Variants in LONP2 observed in about 807,000 individuals in gnomAD.
LONP2 encodes the protein lon peptidase 2, peroxisomal, also known as lon protease homolog 2, peroxisomal.
LONP2 carries 60 observed loss-of-function variants against 85.6 expected under a neutral mutation model. The observed-to-expected ratio is 0.70, with a 90% confidence interval of 0.57 to 0.87. The LOEUF is 0.87. Among genes scored for constraint, LONP2 ranks in the 40% least tolerant of loss-of-function variants. The pLI, the probability that LONP2 is intolerant of heterozygous loss-of-function variation, is 0.00. For missense variants in LONP2, 860 were observed against 1,063.5 expected (o/e 0.81, Z 2.66); for synonymous variants, 395 against 389.7 (o/e 1.01, Z -0.16).
At chr16:48,307,220 A>G (rs2151004571) in intron 11 of LONP2, among the ~76,000 whole-genome samples, 1 of 152,342 alleles carries the variant, frequency 6.6e-6, no homozygotes, top group Admixed American at 6.5e-5. Flanking sequence ...ACTTACCTAT[A>G]AAGTATGAGA....
intron 11 of LONP2, among the ~76,000 whole-genome samples, chr16:48,327,848 T>C (rs1959293088): frequency 6.6e-6 from 1 of 152,248 alleles, no homozygotes; most frequent in South Asian, 2.1e-4. Context: ...TAGTGATATA[T>C]AGTATAGCAT....
At chr16:48,251,292 A>G (rs1971641771) in intron 1 of LONP2, among the ~76,000 whole-genome samples, 1 of 152,142 alleles carries the variant, frequency 6.6e-6, no homozygotes, top group African/African-American at 2.4e-5. Context: ...GGGAGAAAAT[A>G]TTATTTATTT....
At chr16:48,358,826 A>G (rs1355578008), downstream of LONP2, among the ~76,000 whole-genome samples, 2 of 152,224 alleles carry the variant, frequency 1.3e-5, no homozygotes, top group South Asian at 2.1e-4. Flanking sequence ...GTACATACAC[A>G]TAAAAAAAAC....
At chr16:48,248,924 G>T (rs1373972593) in intron 1 of LONP2, among the ~76,000 whole-genome samples, 1 of 151,220 alleles carries the variant, frequency 6.6e-6, no homozygotes, top group East Asian at 1.9e-4. Flanking sequence ...GGGCATATAG[G>T]CTGGAATTAG....
chr16:48,270,703 T>C (rs975480190), intron 7 of LONP2, among the ~76,000 whole-genome samples: 2 of 152,140 alleles, frequency 1.3e-5, no homozygotes, highest in Admixed American at 1.3e-4. Flanking sequence ...CTGATTGCAG[T>C]CTAAACTTCC....
intron 12 of LONP2, among the ~76,000 whole-genome samples, chr16:48,342,629 AGTG>A (rs1347937459): frequency 1.3e-5 from 2 of 152,240 alleles, no homozygotes; most frequent in Non-Finnish European, 2.9e-5. Flanking sequence ...AAGAGATGAC[AGTG>A]GTGGACCCCA....
intron 2 of LONP2, among the ~76,000 whole-genome samples, chr16:48,255,115 A>G (rs1971731632): frequency 6.6e-6 from 1 of 152,208 alleles, no homozygotes; most frequent in African/African-American, 2.4e-5. Context: ...ATTATGAATT[A>G]GTGTGAACTA....
intron 1 of LONP2, among the ~76,000 whole-genome samples, chr16:48,250,957 A>G (rs1171165982): frequency 2.0e-5 from 3 of 152,198 alleles, no homozygotes; most frequent in Non-Finnish European, 4.4e-5. Flanking sequence ...TGTTTGGCTT[A>G]TTATTTAAAT....
downstream of LONP2, chr16:48,361,083 A>G (rs1960565914): frequency 6.5e-6 from 1 of 152,774 alleles, no homozygotes; most frequent in Non-Finnish European, 1.5e-5. Flanking sequence ...TTAATGAAAA[A>G]CTAAAATTAA....
intron 7 of LONP2, among the ~76,000 whole-genome samples, chr16:48,271,059 G>A (rs1321383610): frequency 6.6e-6 from 1 of 151,984 alleles, no homozygotes; most frequent in African/African-American, 2.4e-5. Flanking sequence ...ATGCACCTGT[G>A]GTCCCAGCTA....
In LONP2 at chr16:48,269,207, T is replaced by G. The variant is rs994737011; in HGVS notation, c.983-809T>G. 5.9e-5 allele frequency among the ~76,000 whole-genome samples: 9 copies of G among 152,204 alleles called. No individual in the cohort carries two copies. The South Asian group carries it at 6.2e-4, about 11-fold the overall frequency. ...CAATTCTTTACATCATCTGTTTTTT[T>G]TTTTTTTTTTGACCCAGCACTTCTG... On this transcript the variant is annotated intron_variant, in intron 6 of 14. Transcript: ENST00000285737.
chr16:48,334,783 C>A, intron 12 of LONP2: 1 of 554,152 alleles, frequency 1.8e-6, no homozygotes, highest in South Asian at 1.4e-5. Context: ...CTTTGACATT[C>A]TCAGTGGCAT....
At position 48,270,093 on chromosome 16, in the gene LONP2, C is replaced by T. The variant is rs992602646; in HGVS notation, c.1060C>T (p.Leu354=). The T allele has an allele frequency of 6.2e-7, 1 of 1,613,980 alleles. No homozygotes were observed. The highest frequency in any genetic ancestry group is 8.5e-7 in the Non-Finnish European group (1 of 1,179,948). Reference sequence around the variant, plus strand: ...CATGGAAAAATTGAAGAAAAGAGTACTGGAATACTTGGCTGTCAGACAGCT... The same window carrying T: ...CATGGAAAAATTGAAGAAAAGAGTATTGGAATACTTGGCTGTCAGACAGCT... The part of the protein sequence containing the change: ...YAMEKLKKRV[L]EYLAVRQLKN... The change falls in exon 7 of 15, where the codon CTG becomes TTG. Residue 354 remains leucine, a synonymous_variant. Transcript: ENST00000285737.
chr16:48,351,688 A>G lies in LONP2; in HGVS notation c.2445A>G (p.Val815=), dbSNP rs779131792. 1 of 1,614,222 alleles carries G rather than the reference A, an allele frequency of 6.2e-7. No homozygotes were observed. Among genetic ancestry groups the G allele is most frequent in the Non-Finnish European group, 8.5e-7 (1 of 1,180,030 alleles). Residue 815 remains valine (V), a synonymous_variant, in exon 15 of 15, where the codon GTA becomes GTG. Transcript: ENST00000285737. The stretch of plus-strand genomic sequence containing the variant: ...ACCTTGAGGGAATCCCAGGCAACGT[A>G]CGACAGGATTTAAGTTTTGTCACAG... ...EKDLEGIPGN[V]RQDLSFVTAS... is the part of the protein sequence containing the mutation.
At chr16:48,244,714 A>G (rs111886126) in intron 1 of LONP2, 93 bp downstream of exon 1, 89,451 of 932,438 alleles carry the variant, frequency 0.096, 5,151 homozygotes, top group African/African-American at 0.24. Context: ...CGCGAGGCTC[A>G]GTTCGGGGCG....
At chr16:48,318,159 G>C (rs1973185361) in intron 11 of LONP2, among the ~76,000 whole-genome samples, 1 of 152,046 alleles carries the variant, frequency 6.6e-6, no homozygotes, top group South Asian at 2.1e-4. Context: ...GTTGAGGAAG[G>C]AGCTGCACTT....
chr16:48,309,046 G>GA (rs1465746193), intron 11 of LONP2, among the ~76,000 whole-genome samples: 2 of 152,054 alleles, frequency 1.3e-5, no homozygotes, highest in African/African-American at 4.8e-5. Flanking sequence ...GGAAGCATTT[G>GA]AAAAAATGCT....
At chr16:48,254,067 G>T (rs1971706259) in intron 2 of LONP2, among the ~76,000 whole-genome samples, 1 of 152,056 alleles carries the variant, frequency 6.6e-6, no homozygotes, top group Non-Finnish European at 1.5e-5. Context: ...CTGTCTCCTA[G>T]TTCTTCTGTC....
chr16:48,300,053 T>G (rs905623084), intron 10 of LONP2, among the ~76,000 whole-genome samples: 22 of 152,240 alleles, frequency 1.4e-4, no homozygotes, highest in Admixed American at 1.2e-3. Flanking sequence ...TTTGGAATAT[T>G]GTTATAGCTA....
Sources: gnomAD v4.1 joint callset for allele counts (sites outside exome capture counted in the v4.1 genomes callset) on GRCh38, gnomAD v4.1.1 for gene constraint, MANE v1.5 for transcripts, NCBI Gene and HGNC (gene_info 2026-07-23, HGNC 2026-07-21) for gene names.